DNAH8: variants seen among roughly 807,000 people sequenced by gnomAD.
The protein encoded by DNAH8 is dynein axonemal heavy chain 8, also known as axonemal beta dynein heavy chain 8.
In DNAH8, 382 loss-of-function variants were observed where a neutral mutation model predicts 562.1. The ratio of observed to expected loss-of-function variants is 0.68; its 90% CI spans 0.63 to 0.74. The LOEUF is 0.74. Ranked by LOEUF, DNAH8 falls within the 30% of genes least tolerant of loss-of-function variation. The pLI is 0.00. For synonymous variants in DNAH8, 1,881 were observed against 1,919.4 expected (o/e 0.98, Z 0.52); for missense variants, 5,203 against 5,620.4 (o/e 0.93, Z 2.37).
At position 38,857,467 on chromosome 6, in the gene DNAH8, A is replaced by G. The variant is rs373475030; in HGVS notation, c.5734-51A>G. On this transcript the variant is annotated intron_variant, in intron 41 of 92. Transcript: ENST00000327475. ...AAGTGACCACCAAATTTTATTGCAG[A>G]TGTGCTTTAAATATTTGGCAAATTT... 4 of 1,244,450 alleles carry G rather than the reference A, an allele frequency of 3.2e-6. No individual in the cohort carries two copies. In the African/African-American group the frequency reaches 4.5e-5, roughly 14 times the overall value. 77.1% of individuals were successfully genotyped at this position (1,244,450 alleles called of 1,614,324 possible).
intron 88 of DNAH8, among the ~76,000 whole-genome samples, chr6:38,995,276 G>T (rs905101807): frequency 6.6e-6 from 1 of 152,156 alleles, no homozygotes; most frequent in South Asian, 2.1e-4. Context: ...CACTGGGTTC[G>T]GAGGTATTAT....
At chr6:38,753,771 T>G (rs969407028) in intron 9 of DNAH8, among the ~76,000 whole-genome samples, 1 of 152,232 alleles carries the variant, frequency 6.6e-6, no homozygotes, top group Non-Finnish European at 1.5e-5. Context: ...TTAAAAAGCT[T>G]TGTTCAATTA....
intron 13 of DNAH8, among the ~76,000 whole-genome samples, chr6:38,778,101 C>A (rs935581620): frequency 3.3e-5 from 5 of 152,254 alleles, no homozygotes; most frequent in South Asian, 2.1e-4. Flanking sequence ...AATATGAAAT[C>A]TTTAATGAGA....
At chr6:38,771,912 A>G (rs1767609731) in intron 12 of DNAH8, among the ~76,000 whole-genome samples, 1 of 152,184 alleles carries the variant, frequency 6.6e-6, no homozygotes, top group South Asian at 2.1e-4. Flanking sequence ...GTGCAGAAGT[A>G]GAATTGCTAG....
At chr6:39,024,198 T>A (rs572874166) in intron 91 of DNAH8, among the ~76,000 whole-genome samples, 1 of 152,374 alleles carries the variant, frequency 6.6e-6, no homozygotes, top group African/African-American at 2.4e-5. Context: ...GCTGGAACTT[T>A]AAATGTTATA....
At chr6:39,002,490 A>T (rs1338171001) in intron 88 of DNAH8, among the ~76,000 whole-genome samples, 1 of 152,174 alleles carries the variant, frequency 6.6e-6, no homozygotes, top group African/African-American at 2.4e-5. Context: ...TGACTTTTTA[A>T]AACTGGGGTT....
intron 33 of DNAH8, among the ~76,000 whole-genome samples, chr6:38,841,309 C>T (rs968829835): frequency 2.0e-5 from 3 of 152,012 alleles, no homozygotes; most frequent in African/African-American, 7.3e-5. Flanking sequence ...ATCTCAGCTA[C>T]TCGGGAGGCT....
intron 3 of DNAH8, among the ~76,000 whole-genome samples, chr6:38,726,679 A>G (rs1763246008): frequency 6.6e-6 from 1 of 152,050 alleles, no homozygotes. Flanking sequence ...CAGTGTCAAA[A>G]CCTGAAAGAT....
At chr6:38,790,133 A>T (rs993610846) in intron 19 of DNAH8, among the ~76,000 whole-genome samples, 156 bp from the exon 20 acceptor site, 3 of 152,184 alleles carry the variant, frequency 2.0e-5, no homozygotes, top group Middle Eastern at 3.2e-3. Context: ...ACAGCCAAAG[A>T]TGGTTAAAAA....
At chr6:38,790,641 G>A (rs1336903633) in intron 20 of DNAH8, among the ~76,000 whole-genome samples, 1 of 151,980 alleles carries the variant, frequency 6.6e-6, no homozygotes. Context: ...TGGCCAACAT[G>A]GTGAAACCCC....
intron 57 of DNAH8, among the ~76,000 whole-genome samples, chr6:38,887,675 C>T (rs575036223): frequency 2.6e-5 from 4 of 152,104 alleles, no homozygotes; most frequent in Admixed American, 2.0e-4. Flanking sequence ...TTGCTGCATT[C>T]GAGCCTGGGT....
intron 91 of DNAH8, among the ~76,000 whole-genome samples, chr6:39,021,230 T>C (rs1354426334): frequency 6.6e-6 from 1 of 152,202 alleles, no homozygotes; most frequent in Non-Finnish European, 1.5e-5. Context: ...CAGTATGTGG[T>C]CCACCAGCCA....
chr6:38,890,746 G>T lies in DNAH8; in HGVS notation c.8568G>T (p.Leu2856=). The T allele has an allele frequency of 6.2e-7, 1 of 1,611,726 alleles. No homozygotes were observed. The highest frequency in any genetic ancestry group is 8.5e-7 in the Non-Finnish European group (1 of 1,177,792). The change falls in exon 58 of 93, where the codon CTG becomes CTT. Residue 2856 remains leucine (L), a synonymous_variant. Transcript: ENST00000327475. ...IVNLVSVGRV[L]WQWTKVKMLP... ...ATTTAGTCTCAGTGGGTAGAGTGCTGTGGCAATGGACTAAGGTACAGAATG... is the reference window on the plus strand; with the variant it reads ...ATTTAGTCTCAGTGGGTAGAGTGCTTTGGCAATGGACTAAGGTACAGAATG...
At chr6:38,915,149 A>G in intron 67 of DNAH8, 52 bp from the exon 68 acceptor site, 2 of 1,490,804 alleles carry the variant, frequency 1.3e-6, no homozygotes, top group Middle Eastern at 1.8e-4. Context: ...AGATCTATAA[A>G]TTTTGCTTGA....
chr6:38,856,649 C>G (rs1432955672), intron 41 of DNAH8, among the ~76,000 whole-genome samples: 1 of 152,104 alleles, frequency 6.6e-6, no homozygotes, highest in Non-Finnish European at 1.5e-5. Flanking sequence ...TAGCTGCAGC[C>G]CTCAGGATTG....
At chr6:38,816,946 C>G (rs1772337383) in intron 26 of DNAH8, among the ~76,000 whole-genome samples, 1 of 152,082 alleles carries the variant, frequency 6.6e-6, no homozygotes, top group Non-Finnish European at 1.5e-5. Flanking sequence ...AGAAACTGGT[C>G]TCTTCAACTG....
At chr6:38,748,721 TC>T (rs1314230471) in intron 8 of DNAH8, among the ~76,000 whole-genome samples, 1 of 150,042 alleles carries the variant, frequency 6.7e-6, no homozygotes, top group East Asian at 2.0e-4. Context: ...GCCACTGCAC[TC>T]CAGCCTGGGT....
rs538221787 is a variant in DNAH8, at chr6:38,958,015, G to T, written c.12451+6495G>T. Among the ~76,000 whole-genome samples, 33 of 149,898 alleles carry T rather than the reference G, an allele frequency of 2.2e-4. No individual in the cohort carries two copies. In the East Asian group the frequency reaches 2.5e-3, roughly 12 times the overall value. ...AATAAATACAATAGTGTTTTGTTTT[G>T]TTTTTTTTTATGAAGTCTTGTTGTC... On this transcript the variant is annotated intron_variant, in intron 82 of 92. Coordinates refer to ENST00000327475, the MANE Select transcript of DNAH8 (RefSeq NM_001206927.2).
chr6:38,863,706 C>T (rs1776818537), intron 44 of DNAH8, among the ~76,000 whole-genome samples, 167 bp from the exon 45 acceptor site: 1 of 152,178 alleles, frequency 6.6e-6, no homozygotes. Flanking sequence ...AATAATTAAA[C>T]CTCTCTTTAT....
Sources: allele counts gnomAD v4.1 joint callset (sites outside exome capture counted in the v4.1 genomes callset), GRCh38; gene constraint gnomAD v4.1.1; transcripts MANE v1.5; gene names NCBI Gene and HGNC (gene_info 2026-07-23, HGNC 2026-07-21).